The following PITHD1 variants were observed in gnomAD, a reference collection of about 807,000 sequenced individuals.
PITHD1 encodes the protein PITH domain-containing protein 1.
In PITHD1, 8 loss-of-function variants were observed where a neutral mutation model predicts 27.5. The observed-to-expected ratio is 0.29, with a 90% confidence interval of 0.17 to 0.52. The LOEUF is 0.52. PITHD1 is among the 20% of genes least tolerant of loss of function. PITHD1 has a pLI of 0.96. For synonymous variants in PITHD1, 118 were observed against 106.8 expected (o/e 1.10, Z -0.64); for missense variants, 233 against 283.9 (o/e 0.82, Z 1.29).
chr1:23,780,149 A>T (rs994532621), intron 3 of PITHD1, among the ~76,000 whole-genome samples: 1 of 152,218 alleles, frequency 6.6e-6, no homozygotes, highest in Non-Finnish European at 1.5e-5. Context: ...TAGGCCCAAC[A>T]GCGTGTCTCA....
At position 23,783,331 on chromosome 1, in the gene PITHD1, A is replaced by G. The variant is rs1188926972; in HGVS notation, c.321-2344A>G. The stretch of plus-strand genomic sequence containing the variant: ...CATATATACGCATATATATATACAC[A>G]TATATGTGTATATATACATATATAC... On this transcript the variant is annotated intron_variant, in intron 3 of 5. Coordinates refer to ENST00000246151, the MANE Select transcript of PITHD1 (RefSeq NM_020362.5). Among the ~76,000 whole-genome samples, 6 of 148,424 alleles carry G rather than the reference A, an allele frequency of 4.0e-5. No homozygotes were observed. In the South Asian group the frequency reaches 1.3e-3, roughly 31 times the overall value.
intron 3 of PITHD1, among the ~76,000 whole-genome samples, chr1:23,783,320 T>TATATATACACATATATGTGTATATATAC (rs1397801667): frequency 4.7e-5 from 7 of 149,868 alleles, no homozygotes; most frequent in African/African-American, 1.5e-4. Flanking sequence ...TATACGCATA[T>TATATATACACATATATGTGTATATATAC]ATATATACAC....
rs1638540747 is a variant in PITHD1, at chr1:23,778,423, CCGGAGCTGAACGGCG to C, written c.-84_-70del. ...GCGGCAGGCGCGGCGCGCTTAGTTG[CCGGAGCTGAACGGCG>C]CGGAGCTGGTCTGAGGCGAGCCGAG... On this transcript the variant is annotated 5_prime_UTR_variant, in exon 1 of 6. Transcript: ENST00000246151. 1.4e-6 allele frequency: 1 copy of C among 717,704 alleles called. No individual in the cohort carries two copies. The highest frequency in any genetic ancestry group is 1.7e-6 in the Non-Finnish European group (1 of 575,212). 44.5% of individuals were successfully genotyped at this position (717,704 alleles called of 1,614,324 possible).
At position 23,779,461 on chromosome 1, in the gene PITHD1, A is replaced by T. The variant is rs1638562819; in HGVS notation, c.222A>T (p.Glu74Asp). ...RSKFVESDAD[E>D]ELLFNIPFTG... ...AGTTTGTTGAAAGTGATGCAGATGA[A>T]GAGCTTCTGTTTAATATTCCGTAAG... is the stretch of plus-strand genomic sequence containing the variant. Residue 74 changes from glutamate to aspartate, a missense_variant, in exon 2 of 6, where the codon GAA (glutamate) becomes GAT (aspartate). By Grantham distance (45) the Glu-to-Asp change is conservative (BLOSUM62 2). Transcript: ENST00000246151. 6.2e-7 allele frequency: 1 copy of T among 1,612,536 alleles called. No homozygotes were observed. Among genetic ancestry groups the T allele is most frequent in the East Asian group, 2.2e-5 (1 of 44,878 alleles).
chr1:23,778,668 C>T lies in PITHD1; in HGVS notation c.153C>T (p.Gly51=), dbSNP rs1205531105. 3 of 1,322,848 alleles carry T rather than the reference C, an allele frequency of 2.3e-6. No homozygotes were observed. Among genetic ancestry groups the T allele is most frequent in the African/African-American group, 1.5e-5 (1 of 65,702 alleles). 81.9% of individuals were successfully genotyped at this position (1,322,848 alleles called of 1,614,324 possible). A position where few individuals can be genotyped will look rare whatever the true frequency, so the allele number is the denominator to read the frequency against. Residue 51 remains glycine (G), a synonymous_variant, in exon 1 of 6, where the codon GGC becomes GGT. Coordinates refer to ENST00000246151, the MANE Select transcript of PITHD1 (RefSeq NM_020362.5). ...QCLNESREGS[G]RGVFKPWEER... is the part of the protein sequence containing the mutation. ...TTAACGAGAGCCGCGAGGGCAGCGG[C>T]CGCGGCGTCTTCAAGCCGTGGGAGG...
chr1:23,783,728 T>G (rs986731786), intron 3 of PITHD1, among the ~76,000 whole-genome samples: 1 of 152,092 alleles, frequency 6.6e-6, no homozygotes, highest in African/African-American at 2.4e-5. Flanking sequence ...GTGCTGGGAT[T>G]ACAGGCGTGA....
chr1:23,778,808 C>T (rs546910390), intron 1 of PITHD1, 95 bp downstream of exon 1: 2 of 753,540 alleles, frequency 2.7e-6, no homozygotes, highest in African/African-American at 1.8e-5. Flanking sequence ...ATAACGACAG[C>T]CTGGTTGCCA....
Position 23,785,863 on chromosome 1 carries a change from C to G in PITHD1, c.425+84C>G, listed in dbSNP as rs988846517. ...TTTGGCCAGTCTCCTGCTCTCTTAG[C>G]ATTGGAAATGAGTTAAAACAGTGGA... On this transcript the variant is annotated intron_variant, in intron 4 of 5. Transcript: ENST00000246151. 1.2e-5 allele frequency: 9 copies of G among 753,554 alleles called. No individual in the cohort carries two copies. In the Middle Eastern group the frequency reaches 7.0e-4, roughly 59 times the overall value. 46.7% of individuals were successfully genotyped at this position (753,554 alleles called of 1,614,324 possible). A position where few individuals can be genotyped will look rare whatever the true frequency, so the allele number is the denominator to read the frequency against.
chr1:23,787,280 C>G lies in PITHD1; in HGVS notation c.540C>G (p.Arg180=). ...CAGCCTCAATTTTCTTGCAGCTTCG[C>G]CGACACGAGGTGACCATCTGCAATT... ...IGLRGEWTEL[R]RHEVTICNYE... The change falls in exon 6 of 6, where the codon CGC becomes CGG. Residue 180 remains arginine (R), a synonymous_variant. Coordinates refer to ENST00000246151, the MANE Select transcript of PITHD1 (RefSeq NM_020362.5). The G allele has an allele frequency of 6.2e-7, 1 of 1,613,166 alleles. No homozygotes were observed. Among genetic ancestry groups the G allele is most frequent in the Non-Finnish European group, 8.5e-7 (1 of 1,179,236 alleles).
chr1:23,784,386 G>A (rs531463067), intron 3 of PITHD1, among the ~76,000 whole-genome samples: 4 of 151,690 alleles, frequency 2.6e-5, no homozygotes, highest in Non-Finnish European at 5.9e-5. Flanking sequence ...GACTACAGGC[G>A]CCTGCCACCA....
chr1:23,786,839 A>G (rs1420547722), intron 5 of PITHD1, among the ~76,000 whole-genome samples: 1 of 151,974 alleles, frequency 6.6e-6, no homozygotes, highest in African/African-American at 2.4e-5. Context: ...TGATCTGCCC[A>G]TCTCAGCCTC....
rs1638540959 is a variant in PITHD1 at position 23,778,429 on chromosome 1, C to G, written c.-87C>G. ...GGCGCGGCGCGCTTAGTTGCCGGAGCTGAACGGCGCGGAGCTGGTCTGAGG... is the reference window on the plus strand; with the variant it reads ...GGCGCGGCGCGCTTAGTTGCCGGAGGTGAACGGCGCGGAGCTGGTCTGAGG... On this transcript the variant is annotated 5_prime_UTR_variant, in exon 1 of 6. Transcript: ENST00000246151. 2 of 865,404 alleles carry G rather than the reference C, an allele frequency of 2.3e-6. No homozygotes were observed. Among genetic ancestry groups the G allele is most frequent in the Non-Finnish European group, 2.9e-6 (2 of 681,226 alleles). 53.6% of individuals were successfully genotyped at this position (865,404 alleles called of 1,614,324 possible).
chr1:23,783,453 GTATT>G, intron 3 of PITHD1, among the ~76,000 whole-genome samples: 1 of 137,726 alleles, frequency 7.3e-6, no homozygotes, highest in East Asian at 2.1e-4. Context: ...GTGTGTGTGT[GTATT>G]TTTTGTTTTT....
In PITHD1 at chr1:23,778,509, C is replaced by T. The variant is rs1477658105; in HGVS notation, c.-7C>T. Reference sequence around the variant, plus strand: ...GGCCGAGAGGACGCGCAGGTGGCGGCGTTGCCATGTCGCACGGTCACAGCC... The same window carrying T: ...GGCCGAGAGGACGCGCAGGTGGCGGTGTTGCCATGTCGCACGGTCACAGCC... On this transcript the variant is annotated 5_prime_UTR_variant, in exon 1 of 6. Coordinates refer to ENST00000246151, the MANE Select transcript of PITHD1 (RefSeq NM_020362.5). 7.4e-7 allele frequency: 1 copy of T among 1,347,630 alleles called. No individual in the cohort carries two copies. The highest frequency in any genetic ancestry group is 9.5e-7 in the Non-Finnish European group (1 of 1,055,846). The allele number at this position is 1,347,630 out of a possible 1,614,324, so 83.5% of individuals were successfully genotyped here. A position where few individuals can be genotyped will look rare whatever the true frequency, so the allele number is the denominator to read the frequency against.
chr1:23,785,619 A>C (rs1638671122), intron 3 of PITHD1, 56 bp from the exon 4 acceptor site: 10 of 1,144,746 alleles, frequency 8.7e-6, no homozygotes, highest in South Asian at 1.3e-5. Flanking sequence ...AAAATTTTGA[A>C]AACCTGAAAC....
chr1:23,778,829 C>T (rs1246270498), intron 1 of PITHD1, 116 bp downstream of exon 1: 2 of 569,194 alleles, frequency 3.5e-6, no homozygotes, highest in Non-Finnish European at 5.3e-6. Flanking sequence ...AGCGCTTTTC[C>T]GTGCCTGTCT....
chr1:23,783,281 G>C (rs1254340251), intron 3 of PITHD1, among the ~76,000 whole-genome samples: 1 of 147,082 alleles, frequency 6.8e-6, no homozygotes, highest in South Asian at 2.1e-4. Flanking sequence ...ACAGGCACAT[G>C]TGTGTATATA....
In PITHD1 at chr1:23,785,650, ACTTTT is replaced by A. The variant is rs746028594; in HGVS notation, c.321-20_321-16del. On this transcript the variant is annotated intron_variant, in intron 3 of 5. Coordinates refer to ENST00000246151, the MANE Select transcript of PITHD1 (RefSeq NM_020362.5). ...GAAACGTGATAATGCACATTTCTTG[ACTTTT>A]CTTTCCTTTCCTTTCTCAGGTACAA... 45 of 1,446,922 alleles carry A rather than the reference ACTTTT, an allele frequency of 3.1e-5. No homozygotes were observed. The East Asian group carries it at 6.4e-4, about 20-fold the overall frequency. The allele number at this position is 1,446,922 out of a possible 1,614,324, so 89.6% of individuals were successfully genotyped here.
Position 23,778,510 on chromosome 1 carries a change from G to A in PITHD1, c.-6G>A, listed in dbSNP as rs1312344854. ...GCCGAGAGGACGCGCAGGTGGCGGCGTTGCCATGTCGCACGGTCACAGCCA... is the reference window on the plus strand; with the variant it reads ...GCCGAGAGGACGCGCAGGTGGCGGCATTGCCATGTCGCACGGTCACAGCCA... On this transcript the variant is annotated 5_prime_UTR_variant, in exon 1 of 6. Coordinates refer to ENST00000246151, the MANE Select transcript of PITHD1 (RefSeq NM_020362.5). The A allele has an allele frequency of 5.9e-6, 8 of 1,348,350 alleles. No homozygotes were observed. Among genetic ancestry groups the A allele is most frequent in the East Asian group, 6.2e-5 (2 of 32,500 alleles). 83.5% of individuals were successfully genotyped at this position (1,348,350 alleles called of 1,614,324 possible).
Sources: gnomAD v4.1 joint callset for allele counts (sites outside exome capture counted in the v4.1 genomes callset) on GRCh38, gnomAD v4.1.1 for gene constraint, MANE v1.5 for transcripts, NCBI Gene and HGNC (gene_info 2026-07-23, HGNC 2026-07-21) for gene names.